The following DNAH14 variants were observed in gnomAD, a reference collection of about 807,000 sequenced individuals.
The protein encoded by DNAH14 is dynein axonemal heavy chain 14.
Under a neutral mutation model 520.9 loss-of-function variants are expected in DNAH14, and 478 were observed. The observed-to-expected ratio is 0.92, with a 90% confidence interval of 0.85 to 0.99. The LOEUF is 0.99. DNAH14 is among the 50% of genes least tolerant of loss of function. The pLI is 0.00. For synonymous variants in DNAH14, 1,581 were observed against 1,757.2 expected (o/e 0.90, Z 2.51); for missense variants, 4,831 against 5,234.5 (o/e 0.92, Z 2.38).
chr1:225,353,950 T>A, intron 73 of DNAH14, 62 bp downstream of exon 73: 1 of 962,476 alleles, frequency 1.0e-6, no homozygotes, highest in Non-Finnish European at 1.6e-6. Context: ...ATTAGTAACT[T>A]AAACCCTTCA....
At chr1:225,086,932 A>G (rs2073873481) in intron 21 of DNAH14, among the ~76,000 whole-genome samples, 1 of 152,150 alleles carries the variant, frequency 6.6e-6, no homozygotes, top group Non-Finnish European at 1.5e-5. Flanking sequence ...TTCATTAAAA[A>G]TGAAAAGTGA....
At chr1:225,084,731 CAGTTGG>C (rs1436718752) in intron 20 of DNAH14, among the ~76,000 whole-genome samples, 1 of 95,854 alleles carries the variant, frequency 1.0e-5, no homozygotes, top group Non-Finnish European at 2.5e-5. Context: ...ATTATCAAGT[CAGTTGG>C]AAGATCTGAC....
chr1:225,270,177 A>G (rs1279972568), intron 49 of DNAH14, among the ~76,000 whole-genome samples: 1 of 152,130 alleles, frequency 6.6e-6, no homozygotes, highest in African/African-American at 2.4e-5. Context: ...TTGTAGGGAT[A>G]TGGATGAAGC....
intron 43 of DNAH14, among the ~76,000 whole-genome samples, chr1:225,243,111 A>C (rs2092068315): frequency 6.6e-6 from 1 of 152,112 alleles, no homozygotes; most frequent in Non-Finnish European, 1.5e-5. Context: ...CCATCCTCTA[A>C]CTCCTATAGA....
At chr1:225,098,441 T>C (rs2075177837) in intron 22 of DNAH14, among the ~76,000 whole-genome samples, 2 of 152,170 alleles carry the variant, frequency 1.3e-5, no homozygotes, top group African/African-American at 2.4e-5. Flanking sequence ...TGAAATAAGG[T>C]AGGAAAACAT....
At chr1:225,368,618 C>T (rs560851400) in intron 77 of DNAH14, among the ~76,000 whole-genome samples, 15 of 152,002 alleles carry the variant, frequency 9.9e-5, no homozygotes, top group African/African-American at 2.4e-4. Context: ...AAGTTTTTCC[C>T]GGGTTAATTT....
At chr1:224,985,053 G>A (rs929403764) in intron 8 of DNAH14, among the ~76,000 whole-genome samples, 6 of 152,272 alleles carry the variant, frequency 3.9e-5, no homozygotes, top group Admixed American at 3.9e-4. Context: ...GGAAAACAGC[G>A]TGGAGATTCC....
At chr1:225,314,232 T>G (rs1315079273) in intron 60 of DNAH14, among the ~76,000 whole-genome samples, 1 of 152,226 alleles carries the variant, frequency 6.6e-6, no homozygotes, top group Non-Finnish European at 1.5e-5. Context: ...TGGTTTAAAG[T>G]CTGTTTTATC....
intron 35 of DNAH14, among the ~76,000 whole-genome samples, chr1:225,166,103 C>A (rs908716427): frequency 1.3e-5 from 2 of 152,042 alleles, no homozygotes; most frequent in African/African-American, 4.8e-5. Flanking sequence ...AGTATTCTTG[C>A]ATCTCTCTCT....
In DNAH14 at chr1:225,000,944, G is replaced by A. The variant is rs77393791; in HGVS notation, c.831-1839G>A. Among the ~76,000 whole-genome samples the A allele has an allele frequency of 5.3e-5, 8 of 152,120 alleles. No homozygotes were observed. In the East Asian group the frequency reaches 1.5e-3, roughly 29 times the overall value. On this transcript the variant is annotated intron_variant, in intron 8 of 85. Transcript: ENST00000682510. ...AGTTTCCCTGAAAACCCTCCATGGA[G>A]GCATTAAGGGTGCTTTATAACAATT...
At chr1:225,364,742 T>G in intron 75 of DNAH14, 50 bp from the exon 76 acceptor site, 1 of 1,318,326 alleles carries the variant, frequency 7.6e-7, no homozygotes, top group East Asian at 2.6e-5. Context: ...TAAAAACATG[T>G]TGGTTTACAT....
chr1:225,169,191 G>T (rs1188764762), intron 36 of DNAH14, among the ~76,000 whole-genome samples: 2 of 152,068 alleles, frequency 1.3e-5, no homozygotes, highest in Non-Finnish European at 1.5e-5. Flanking sequence ...CCACAAAGAC[G>T]GGGAAAAAAC....
Position 225,082,676 on chromosome 1 carries a change from G to A in DNAH14, c.3264G>A (p.Glu1088=), listed in dbSNP as rs2073279510. The A allele has an allele frequency of 6.4e-7, 1 of 1,551,470 alleles. No homozygotes were observed. Among genetic ancestry groups the A allele is most frequent in the African/African-American group, 1.4e-5 (1 of 73,168 alleles). ...LKPRHWEALQ[E]IIGKSVPLDK... ...CAAGGCATTGGGAGGCTCTCCAGGAGATTATTGGGAAGTCAGTTCCGCTTG... is the reference window on the plus strand; with the variant it reads ...CAAGGCATTGGGAGGCTCTCCAGGAAATTATTGGGAAGTCAGTTCCGCTTG... Residue 1088 remains glutamate (E), a synonymous_variant, in exon 20 of 86, where the codon GAG becomes GAA. Coordinates refer to ENST00000682510, the MANE Select transcript of DNAH14 (RefSeq NM_001367479.1).
chr1:224,996,956 G>T (rs771364822), intron 8 of DNAH14, among the ~76,000 whole-genome samples: 2 of 152,126 alleles, frequency 1.3e-5, no homozygotes, highest in Non-Finnish European at 2.9e-5. Flanking sequence ...TTCTCTCTCT[G>T]TGGGGTGTGG....
intron 8 of DNAH14, among the ~76,000 whole-genome samples, chr1:224,990,011 TG>T (rs201821535): frequency 0.15 from 22,397 of 150,944 alleles, 3,033 homozygotes; most frequent in African/African-American, 0.36. Flanking sequence ...TGGTCTGTGT[TG>T]TTGTTTTTTT....
intron 17 of DNAH14, among the ~76,000 whole-genome samples, chr1:225,071,884 C>G (rs917301025): frequency 6.6e-6 from 1 of 152,172 alleles, no homozygotes; most frequent in Non-Finnish European, 1.5e-5. Context: ...CCCCATGATT[C>G]AATCACTTCC....
At chr1:225,204,740 C>T (rs2087307226) in intron 39 of DNAH14, among the ~76,000 whole-genome samples, 1 of 152,196 alleles carries the variant, frequency 6.6e-6, no homozygotes, top group Non-Finnish European at 1.5e-5. Context: ...ATGTATATGA[C>T]CTTGTCAGTC....
intron 54 of DNAH14, among the ~76,000 whole-genome samples, chr1:225,288,425 G>A (rs1470862967): frequency 6.6e-6 from 1 of 152,088 alleles, no homozygotes; most frequent in Non-Finnish European, 1.5e-5. Context: ...TTCCGAAGGA[G>A]AGAAAAATTA....
chr1:225,184,489 A>G (rs1382317900), intron 36 of DNAH14, among the ~76,000 whole-genome samples: 1 of 151,958 alleles, frequency 6.6e-6, no homozygotes, highest in Admixed American at 6.6e-5. Flanking sequence ...CTGTGATGGC[A>G]CGCACCTGTA....
Sources: allele counts gnomAD v4.1 joint callset (sites outside exome capture counted in the v4.1 genomes callset), GRCh38; gene constraint gnomAD v4.1.1; transcripts MANE v1.5; gene names NCBI Gene and HGNC (gene_info 2026-07-23, HGNC 2026-07-21).